The following PHACTR1 variants were observed in gnomAD, a reference collection of about 807,000 sequenced individuals.
The protein encoded by PHACTR1 is phosphatase and actin regulator 1.
A neutral mutation model predicts 69.2 loss-of-function variants in PHACTR1; 16 were observed. The ratio of observed to expected loss-of-function variants is 0.23; its 90% CI spans 0.16 to 0.35. The LOEUF is 0.35. Among genes scored for constraint, PHACTR1 ranks in the 10% least tolerant of loss-of-function variants. The pLI is 1.00. For synonymous variants in PHACTR1, 312 were observed against 284.5 expected (o/e 1.10, Z -0.97); for missense variants, 510 against 734.7 (o/e 0.69, Z 3.54).
intron 4 of PHACTR1, among the ~76,000 whole-genome samples, chr6:12,955,923 G>A (rs981934283): frequency 2.6e-5 from 4 of 152,168 alleles, no homozygotes. Context: ...TGACCTCAGG[G>A]GGGTATGTGG....
At chr6:12,746,562 T>A (rs1374475664) in intron 3 of PHACTR1, among the ~76,000 whole-genome samples, 1 of 152,178 alleles carries the variant, frequency 6.6e-6, no homozygotes. Context: ...AACACAGAGA[T>A]AAATGTAGTA....
chr6:13,173,389 C>A (rs1231722450), intron 6 of PHACTR1, among the ~76,000 whole-genome samples: 2 of 152,126 alleles, frequency 1.3e-5, no homozygotes, highest in Non-Finnish European at 2.9e-5. Context: ...CTTCTATGCT[C>A]TACATTTAAA....
intron 6 of PHACTR1, among the ~76,000 whole-genome samples, chr6:13,181,997 G>A (rs766911467): frequency 9.2e-5 from 14 of 152,196 alleles, no homozygotes; most frequent in Non-Finnish European, 8.8e-5. Flanking sequence ...ACTTTGGGAG[G>A]CCCAGGTGGG....
At chr6:13,224,652 G>C (rs562796644) in intron 8 of PHACTR1, among the ~76,000 whole-genome samples, 7 of 133,490 alleles carry the variant, frequency 5.2e-5, no homozygotes, top group African/African-American at 1.5e-4. Context: ...CAGCAGCAGG[G>C]CACAGGCCAC....
At chr6:13,078,180 G>T (rs531018039) in intron 5 of PHACTR1, among the ~76,000 whole-genome samples, 121 of 152,218 alleles carry the variant, frequency 7.9e-4, no homozygotes, top group African/African-American at 2.8e-3. Context: ...GGTGGGGGCT[G>T]TGAGGAAGAA....
At chr6:12,981,862 C>T (rs996356730) in intron 4 of PHACTR1, among the ~76,000 whole-genome samples, 1 of 152,106 alleles carries the variant, frequency 6.6e-6, no homozygotes, top group Admixed American at 6.5e-5. Flanking sequence ...GCTTTATTCC[C>T]AGGGTCTAGA....
intron 7 of PHACTR1, among the ~76,000 whole-genome samples, chr6:13,200,444 C>T (rs571392374): frequency 5.3e-4 from 81 of 152,254 alleles, no homozygotes; most frequent in African/African-American, 1.9e-3. Flanking sequence ...CCACACCCGG[C>T]CAGGAAGCAT....
chr6:13,012,786 T>C (rs757727297), intron 4 of PHACTR1, among the ~76,000 whole-genome samples: 12 of 152,168 alleles, frequency 7.9e-5, no homozygotes, highest in Non-Finnish European at 1.5e-4. Flanking sequence ...GTCTTGGGAT[T>C]GTTGTGTGAA....
At chr6:13,005,607 T>A (rs552229660) in intron 4 of PHACTR1, among the ~76,000 whole-genome samples, 1 of 152,086 alleles carries the variant, frequency 6.6e-6, no homozygotes, top group African/African-American at 2.4e-5. Context: ...ACTGTAAAAA[T>A]TGGTTTGGAA....
chr6:13,053,414 A>C lies in PHACTR1; in HGVS notation c.300A>C (p.Pro100=), dbSNP rs1360154499. 6.2e-7 allele frequency: 1 copy of C among 1,613,204 alleles called. No homozygotes were observed. The highest frequency in any genetic ancestry group is 8.5e-7 in the Non-Finnish European group (1 of 1,179,654). The change falls in exon 5 of 15, where the codon CCA becomes CCC. Residue 100 remains proline, a synonymous_variant. Coordinates refer to ENST00000332995, the MANE Select transcript of PHACTR1 (RefSeq NM_030948.6). ...LAAMRSDSLV[P]GTHTPPIRRR... ...CGATGCGTTCTGACTCCCTCGTCCC[A>C]GGCACCCACACCCCACCCATCCGCA... is the stretch of plus-strand genomic sequence containing the variant.
chr6:13,108,069 G>T (rs1209013877), intron 5 of PHACTR1, among the ~76,000 whole-genome samples: 1 of 151,786 alleles, frequency 6.6e-6, no homozygotes, highest in Non-Finnish European at 1.5e-5. Context: ...AAATTTGGTA[G>T]TTTACATTTT....
intron 8 of PHACTR1, among the ~76,000 whole-genome samples, chr6:13,221,089 G>A (rs1309001234): frequency 6.6e-6 from 1 of 152,190 alleles, no homozygotes; most frequent in Non-Finnish European, 1.5e-5. Flanking sequence ...TGAGATTTGA[G>A]TCATCCCTGA....
At chr6:13,098,014 C>T (rs961303572) in intron 5 of PHACTR1, among the ~76,000 whole-genome samples, 1 of 152,182 alleles carries the variant, frequency 6.6e-6, no homozygotes, top group Non-Finnish European at 1.5e-5. Context: ...CCCACATCCT[C>T]TCCTCTCTCT....
At chr6:13,201,667 G>A (rs1347370109) in intron 7 of PHACTR1, among the ~76,000 whole-genome samples, 1 of 152,202 alleles carries the variant, frequency 6.6e-6, no homozygotes, top group East Asian at 1.9e-4. Flanking sequence ...AAGTCTGAGT[G>A]GGAAAAGGGA....
chr6:12,944,580 C>T (rs1012448480), intron 4 of PHACTR1, among the ~76,000 whole-genome samples: 1 of 152,050 alleles, frequency 6.6e-6, no homozygotes, highest in East Asian at 1.9e-4. Context: ...ATGTGTGTAG[C>T]TCTGTGCTTC....
intron 7 of PHACTR1, among the ~76,000 whole-genome samples, chr6:13,190,971 G>C (rs889983929): frequency 3.9e-5 from 6 of 152,052 alleles, no homozygotes; most frequent in Non-Finnish European, 8.8e-5. Context: ...CAATATTCCT[G>C]GTTATAGCTA....
chr6:12,929,906 T>A (rs1337134116), intron 4 of PHACTR1, among the ~76,000 whole-genome samples: 1 of 152,238 alleles, frequency 6.6e-6, no homozygotes, highest in African/African-American at 2.4e-5. Flanking sequence ...TTATTGCAAA[T>A]GACAGTCTTT....
intron 4 of PHACTR1, among the ~76,000 whole-genome samples, chr6:13,038,502 A>AG: frequency 6.6e-6 from 1 of 151,726 alleles, no homozygotes; most frequent in East Asian, 1.9e-4. Context: ...AAAAAAAAAA[A>AG]AAAAAGGAAG....
chr6:13,171,924 C>A (rs533747795), intron 6 of PHACTR1, among the ~76,000 whole-genome samples: 3 of 152,152 alleles, frequency 2.0e-5, no homozygotes, highest in African/African-American at 7.2e-5. Context: ...CGCCACCATG[C>A]CCGGCTAATT....
Sources: gnomAD v4.1 joint callset for allele counts (sites outside exome capture counted in the v4.1 genomes callset) on GRCh38, gnomAD v4.1.1 for gene constraint, MANE v1.5 for transcripts, NCBI Gene and HGNC (gene_info 2026-07-23, HGNC 2026-07-21) for gene names.